ATAD2B: variants seen among roughly 807,000 people sequenced by gnomAD.
The protein encoded by ATAD2B is ATPase family AAA domain containing 2B, also known as ATPase family AAA domain-containing protein 2B.
A neutral mutation model predicts 167.6 loss-of-function variants in ATAD2B; 40 were observed. The observed-to-expected ratio is 0.24, with a 90% CI of 0.19 to 0.31. The LOEUF is 0.31. Ranked by LOEUF, ATAD2B falls within the 10% of genes least tolerant of loss-of-function variation. The pLI is 1.00. For synonymous variants in ATAD2B, 579 were observed against 596.5 expected (o/e 0.97, Z 0.43); for missense variants, 1,242 against 1,757.2 (o/e 0.71, Z 5.24).
At chr2:23,925,184 T>TA (rs1284321275) in intron 1 of ATAD2B, among the ~76,000 whole-genome samples, 2 of 152,214 alleles carry the variant, frequency 1.3e-5, no homozygotes, top group African/African-American at 4.8e-5. Flanking sequence ...TCAAAGTACT[T>TA]ATTCTCAACA....
intron 1 of ATAD2B, among the ~76,000 whole-genome samples, chr2:23,904,401 C>T (rs139328053): frequency 6.6e-6 from 1 of 151,940 alleles, no homozygotes; most frequent in South Asian, 2.1e-4. Context: ...CTGTGAAATG[C>T]GGGGTGGAAA....
Position 23,758,016 on chromosome 2 carries a change from A to C in ATAD2B, c.3480T>G (p.Asp1160Glu). The change falls in exon 25 of 28, where the codon GAT (aspartate) becomes GAG (glutamate). Residue 1160 changes from aspartate to glutamate, a missense_variant. Coordinates refer to ENST00000238789, the MANE Select transcript of ATAD2B (RefSeq NM_017552.4). Reference protein sequence around the residue: ...KKRKVNNLKKDEEDTKFADYE... With the variant: ...KKRKVNNLKKEEEDTKFADYE... ...AGTCTGCAAATTTGGTGTCTTCTTC[A>C]TCTTTTTTTAAATTATTAACTTTCC... is the stretch of plus-strand genomic sequence containing the variant. 6.2e-7 allele frequency: 1 copy of C among 1,610,184 alleles called. No individual in the cohort carries two copies. Among genetic ancestry groups the C allele is most frequent in the Non-Finnish European group, 8.5e-7 (1 of 1,178,658 alleles).
At chr2:23,862,299 C>T (rs1014442679) in intron 12 of ATAD2B, among the ~76,000 whole-genome samples, 5 of 151,684 alleles carry the variant, frequency 3.3e-5, no homozygotes, top group Non-Finnish European at 7.4e-5. Context: ...TTTTATTTCA[C>T]GTGAATTTCC....
chr2:23,833,261 T>C (rs1689357403), intron 14 of ATAD2B, among the ~76,000 whole-genome samples: 1 of 152,214 alleles, frequency 6.6e-6, no homozygotes, highest in Non-Finnish European at 1.5e-5. Flanking sequence ...AAAACAAAGC[T>C]ATACATATTC....
intron 17 of ATAD2B, among the ~76,000 whole-genome samples, chr2:23,812,238 G>GA (rs1330417539): frequency 1.5e-5 from 2 of 135,904 alleles, no homozygotes; most frequent in African/African-American, 2.8e-5. Flanking sequence ...AGAAGAAATA[G>GA]AAAAATCAAT....
intron 13 of ATAD2B, among the ~76,000 whole-genome samples, chr2:23,840,953 A>G (rs1263680087): frequency 6.6e-6 from 1 of 152,084 alleles, no homozygotes; most frequent in African/African-American, 2.4e-5. Context: ...GTCATCCAGA[A>G]TGGAGTACAG....
At chr2:23,740,995 G>A in the ATAD2B span, among the ~76,000 whole-genome samples, 1 of 152,188 alleles carries the variant, frequency 6.6e-6, no homozygotes, top group Non-Finnish European at 1.5e-5. Context: ...CAACTTACAA[G>A]GGATGTGAAG....
chr2:23,729,424 CCT>C, the ATAD2B span, among the ~76,000 whole-genome samples: 1 of 152,048 alleles, frequency 6.6e-6, no homozygotes, highest in Non-Finnish European at 1.5e-5. Flanking sequence ...AGGAAGTCCC[CCT>C]CTGTTTTAAC....
intron 18 of ATAD2B, among the ~76,000 whole-genome samples, chr2:23,804,637 C>A (rs1684047124): frequency 6.9e-6 from 1 of 145,832 alleles, no homozygotes. Flanking sequence ...CAAAGTTGGC[C>A]AAGCAGGATT....
chr2:23,698,937 T>C, the ATAD2B span, among the ~76,000 whole-genome samples: 1 of 152,216 alleles, frequency 6.6e-6, no homozygotes, highest in Admixed American at 6.5e-5. Flanking sequence ...TTCCACTGTC[T>C]CCCAGCTCCT....
intron 13 of ATAD2B, among the ~76,000 whole-genome samples, chr2:23,834,772 GC>G (rs1047079299): frequency 1.3e-5 from 2 of 151,988 alleles, no homozygotes; most frequent in Admixed American, 6.6e-5. Context: ...AGGCAAAAGG[GC>G]CAGGCGCGGT....
chr2:23,737,272 G>A, the ATAD2B span, among the ~76,000 whole-genome samples: 153 of 152,280 alleles, frequency 1.0e-3, no homozygotes, highest in African/African-American at 3.5e-3. Context: ...CCTGACCCCC[G>A]AGTACCCTAA....
chr2:23,834,016 A>G lies in ATAD2B; in HGVS notation c.1631T>C (p.Val544Ala). ...GTCAAGTCTGTTTGTAGCACCAATA[A>G]CAACAATTTCACCCCTATTATCTAA... ...DGLDNRGEIVVIGATNRLDSI... is the reference protein window; with the variant it reads ...DGLDNRGEIVAIGATNRLDSI... The change falls in exon 14 of 28, where the codon GTT (valine) becomes GCT (alanine). Residue 544 changes from valine to alanine, a missense_variant. This residue lies in a region of ATAD2B where 151 missense variants were observed against 284.1 expected (regional missense o/e 0.53). Transcript: ENST00000238789. 6.2e-7 allele frequency: 1 copy of G among 1,612,732 alleles called. No homozygotes were observed. The highest frequency in any genetic ancestry group is 8.5e-7 in the Non-Finnish European group (1 of 1,178,940).
At chr2:23,695,673 C>G in the ATAD2B span, 1 of 1,551,680 alleles carries the variant, frequency 6.4e-7, no homozygotes, top group Non-Finnish European at 8.7e-7. This position sits in a 1 kb window ranked among gnomAD's most constrained non-coding sequence, Gnocchi z 7.6. Flanking sequence ...TCCACCCCAG[C>G]TACCTGCTCA....
At chr2:23,820,027 A>C (rs1687211352) in intron 16 of ATAD2B, 145 bp from the exon 17 acceptor site, 7 of 542,664 alleles carry the variant, frequency 1.3e-5, no homozygotes, top group Non-Finnish European at 2.2e-5. Flanking sequence ...GACAAACTGC[A>C]GCTTTTAAAA....
At chr2:23,835,659 G>C (rs909145379) in intron 13 of ATAD2B, among the ~76,000 whole-genome samples, 7 of 152,170 alleles carry the variant, frequency 4.6e-5, no homozygotes, top group African/African-American at 1.7e-4. Context: ...AACTGAGCTG[G>C]GCACAGTGGC....
At chr2:23,805,865 T>C (rs1048668522) in intron 18 of ATAD2B, among the ~76,000 whole-genome samples, 11 of 151,880 alleles carry the variant, frequency 7.2e-5, no homozygotes, top group African/African-American at 2.4e-4. Context: ...CACATTTTTA[T>C]TGGTTACTTT....
At chr2:23,804,734 T>C (rs1684081081) in intron 18 of ATAD2B, among the ~76,000 whole-genome samples, 1 of 151,758 alleles carries the variant, frequency 6.6e-6, no homozygotes, top group South Asian at 2.1e-4. Flanking sequence ...TCCTAAGTGT[T>C]TCCTTACCTT....
intron 13 of ATAD2B, among the ~76,000 whole-genome samples, chr2:23,839,033 T>A (rs1485705033): frequency 6.6e-6 from 1 of 152,192 alleles, no homozygotes; most frequent in Non-Finnish European, 1.5e-5. Flanking sequence ...TAGAAACTTT[T>A]TGCTAATGAG....
Sources: allele counts gnomAD v4.1 joint callset (sites outside exome capture counted in the v4.1 genomes callset), GRCh38; gene constraint gnomAD v4.1.1; regional missense constraint gnomAD v4.1.1; non-coding constraint Gnocchi (gnomAD v3.1); transcripts MANE v1.5; gene names NCBI Gene and HGNC (gene_info 2026-07-23, HGNC 2026-07-21).